The following HYDIN variants were observed in gnomAD, a reference collection of about 807,000 sequenced individuals.
HYDIN encodes the protein axonemal central pair apparatus protein HYDIN.
In HYDIN, 132 loss-of-function variants were observed where a neutral mutation model predicts 403.9. The observed-to-expected ratio is 0.33, with a 90% CI of 0.28 to 0.38. The LOEUF (loss-of-function observed/expected upper bound fraction) is 0.38, where lower values mean the gene tolerates loss of function less well. Ranked by LOEUF, HYDIN falls within the 10% of genes least tolerant of loss-of-function variation. The pLI, the probability that HYDIN is intolerant of heterozygous loss-of-function variation, is 1.00. For synonymous variants in HYDIN, 1,202 were observed against 1,891.7 expected (o/e 0.64, Z 9.46); for missense variants, 2,827 against 5,009.5 (o/e 0.56, Z 13.15).
chr16:71,041,754 C>T (rs1470112127), intron 18 of HYDIN, among the ~76,000 whole-genome samples: 2 of 151,600 alleles, frequency 1.3e-5, no homozygotes, highest in Non-Finnish European at 2.9e-5. Flanking sequence ...TTATCTTTAA[C>T]TTCTGTTTGT....
At chr16:70,980,337 A>T (rs957531599) in intron 29 of HYDIN, among the ~76,000 whole-genome samples, 3 of 147,882 alleles carry the variant, frequency 2.0e-5, no homozygotes, top group Non-Finnish European at 4.5e-5. Context: ...ATCCTATCAT[A>T]AAAAAAAAAA....
intron 1 of HYDIN, among the ~76,000 whole-genome samples, chr16:71,210,329 T>C (rs1410174192): frequency 6.6e-6 from 1 of 152,072 alleles, no homozygotes; most frequent in East Asian, 1.9e-4. Context: ...CATGCAGCCA[T>C]AAAAAAGAAT....
chr16:71,229,910 T>C (rs2041206602), intron 1 of HYDIN, among the ~76,000 whole-genome samples: 1 of 152,152 alleles, frequency 6.6e-6, no homozygotes, highest in South Asian at 2.1e-4. Flanking sequence ...AGGGACCCCA[T>C]GGTGGGTAAC....
At chr16:71,181,564 T>A (rs2086906195) in intron 3 of HYDIN, among the ~76,000 whole-genome samples, 1 of 152,176 alleles carries the variant, frequency 6.6e-6, no homozygotes, top group Admixed American at 6.6e-5. Flanking sequence ...GTATATACTC[T>A]TTAATTTCTG....
At chr16:71,103,049 TTAAAA>T (rs2083504070) in intron 10 of HYDIN, among the ~76,000 whole-genome samples, 1 of 144,926 alleles carries the variant, frequency 6.9e-6, no homozygotes, top group Non-Finnish European at 1.5e-5. Context: ...TATAGGTGTT[TTAAAA>T]TGTTTTAGAA....
At chr16:70,968,599 G>C (rs1298495288) in intron 36 of HYDIN, among the ~76,000 whole-genome samples, 1 of 152,084 alleles carries the variant, frequency 6.6e-6, no homozygotes, top group Non-Finnish European at 1.5e-5. Context: ...GCCAAGGAGG[G>C]AACCTAGACT....
At chr16:71,028,733 A>T (rs953804649) in intron 19 of HYDIN, among the ~76,000 whole-genome samples, 1 of 152,164 alleles carries the variant, frequency 6.6e-6, no homozygotes, top group Admixed American at 6.5e-5. Context: ...GAAATAAACA[A>T]TCAGAAGGAA....
chr16:70,847,940 T>C (rs2038332441), intron 75 of HYDIN, among the ~76,000 whole-genome samples: 1 of 149,716 alleles, frequency 6.7e-6, no homozygotes, highest in Non-Finnish European at 1.5e-5. Context: ...TAATCTCTTA[T>C]GGGAATCTGA....
At chr16:70,917,955 G>C (rs551272731) in intron 47 of HYDIN, among the ~76,000 whole-genome samples, 1 of 152,098 alleles carries the variant, frequency 6.6e-6, no homozygotes, top group Non-Finnish European at 1.5e-5. Flanking sequence ...AATGGGGACT[G>C]CAAAGGTTGT....
intron 83 of HYDIN, 24 bp from the exon 84 acceptor site, chr16:70,818,596 G>A (rs567090779): frequency 5.2e-6 from 4 of 770,870 alleles, no homozygotes; most frequent in African/African-American, 1.8e-5. Context: ...GAGAGAGGGA[G>A]GAAGGAGGGA....
At chr16:70,858,878 G>C (rs1172502988) in intron 71 of HYDIN, among the ~76,000 whole-genome samples, 1 of 151,556 alleles carries the variant, frequency 6.6e-6, no homozygotes, top group African/African-American at 2.4e-5. Flanking sequence ...AGATGGCCTG[G>C]GTACTGACAT....
At chr16:71,039,540 A>G (rs991197069) in intron 18 of HYDIN, among the ~76,000 whole-genome samples, 2 of 152,092 alleles carry the variant, frequency 1.3e-5, no homozygotes, top group Non-Finnish European at 2.9e-5. Context: ...GCCCCACCCC[A>G]TGCCCCAGCC....
chr16:70,964,890 G>T lies in HYDIN; in HGVS notation c.5626C>A (p.Arg1876=). The change falls in exon 37 of 86, where the codon CGG becomes AGG. Residue 1876 remains arginine (R), a synonymous_variant. Transcript: ENST00000393567. Reference sequence around the variant, plus strand: ...TAGGAATCATAGCCCTTCAGCTTCCGCAAGATCTGCTCGAGGGGAGAAAGA... The same window carrying T: ...TAGGAATCATAGCCCTTCAGCTTCCTCAAGATCTGCTCGAGGGGAGAAAGA... ...QQYLIEEKIL[R]KLKGYDSYNT... 1 of 1,613,686 alleles carries T rather than the reference G, an allele frequency of 6.2e-7. No individual in the cohort carries two copies. Among genetic ancestry groups the T allele is most frequent in the East Asian group, 2.2e-5 (1 of 44,848 alleles).
At chr16:71,070,853 T>A (rs1996048) in intron 13 of HYDIN, among the ~76,000 whole-genome samples, 48,410 of 117,422 alleles carry the variant, frequency 0.41, 11,568 homozygotes, top group East Asian at 0.67. Context: ...CTGCCTCATG[T>A]CTCAGCTTTT....
At chr16:71,085,357 AT>A (rs2144355711) in intron 12 of HYDIN, among the ~76,000 whole-genome samples, 1 of 124,328 alleles carries the variant, frequency 8.0e-6, no homozygotes, top group Non-Finnish European at 1.7e-5. Flanking sequence ...ACATTATCTA[AT>A]TTTTGGCATA....
In HYDIN at chr16:70,970,634, T is replaced by A; in HGVS notation, c.5505A>T (p.Pro1835=). ...EFSPSVLDLG[P]LLLCAPGDEA... ...CGTCTCCAGGTGCACAAAGTAGCAGTGGCCCCAGATCCAGGACTGAAGGAC... is the reference window on the plus strand; with the variant it reads ...CGTCTCCAGGTGCACAAAGTAGCAGAGGCCCCAGATCCAGGACTGAAGGAC... The change falls in exon 36 of 86, where the codon CCA becomes CCT. Residue 1835 remains proline (P), a synonymous_variant. Coordinates refer to ENST00000393567, the MANE Select transcript of HYDIN (RefSeq NM_001270974.2). The A allele has an allele frequency of 6.7e-7, 1 of 1,501,812 alleles. No homozygotes were observed. The highest frequency in any genetic ancestry group is 9.3e-7 in the Non-Finnish European group (1 of 1,080,790). 93.0% of individuals were successfully genotyped at this position (1,501,812 alleles called of 1,614,324 possible). A position where few individuals can be genotyped will look rare whatever the true frequency, so the allele number is the denominator to read the frequency against.
intron 53 of HYDIN, among the ~76,000 whole-genome samples, chr16:70,896,987 C>CT (rs1567787620): frequency 2.1e-5 from 3 of 139,790 alleles, no homozygotes; most frequent in African/African-American, 5.3e-5. Flanking sequence ...ATTGCTGACT[C>CT]TTTTTTTCCC....
chr16:71,174,213 GTAT>G (rs1386722310), intron 5 of HYDIN, among the ~76,000 whole-genome samples: 1 of 152,128 alleles, frequency 6.6e-6, no homozygotes, highest in Non-Finnish European at 1.5e-5. Context: ...TATAGCAATG[GTAT>G]TATTATAACG....
At chr16:70,906,532 T>C (rs1026749736) in intron 50 of HYDIN, among the ~76,000 whole-genome samples, 1 of 152,102 alleles carries the variant, frequency 6.6e-6, no homozygotes, top group African/African-American at 2.4e-5. Flanking sequence ...AGCTATGCCA[T>C]TGATGGCCCT....
Sources: gnomAD v4.1 joint callset for allele counts (sites outside exome capture counted in the v4.1 genomes callset) on GRCh38, gnomAD v4.1.1 for gene constraint, MANE v1.5 for transcripts, NCBI Gene and HGNC (gene_info 2026-07-23, HGNC 2026-07-21) for gene names.